Variants in DYNC1I1 observed in about 807,000 individuals in gnomAD.
DYNC1I1 encodes the protein dynein cytoplasmic 1 intermediate chain 1.
Under a neutral mutation model 86.6 loss-of-function variants are expected in DYNC1I1, and 43 were observed. The ratio of observed to expected loss-of-function variants is 0.50; its 90% CI spans 0.39 to 0.64. The LOEUF is 0.64. DYNC1I1 is among the 30% of genes least tolerant of loss of function. DYNC1I1 has a pLI of 0.00. For missense variants in DYNC1I1, 604 were observed against 788.8 expected, an observed-to-expected ratio of 0.77 and a Z score of 2.81; for synonymous variants, 262 against 283.7, an observed-to-expected ratio of 0.92 and a Z score of 0.77.
At chr7:95,794,248 A>C (rs1441660025) in intron 1 of DYNC1I1, among the ~76,000 whole-genome samples, 1 of 152,048 alleles carries the variant, frequency 6.6e-6, no homozygotes, top group Non-Finnish European at 1.5e-5. Context: ...ATTTCCAGTG[A>C]CCCAATTCCA....
In DYNC1I1 at chr7:95,860,072, G is replaced by T. The variant is rs1789836186; in HGVS notation, c.375-9811G>T. Among the ~76,000 whole-genome samples the T allele has an allele frequency of 5.3e-5, 8 of 152,278 alleles. No individual in the cohort carries two copies. The South Asian group carries it at 1.7e-3, about 32-fold the overall frequency. Reference sequence around the variant, plus strand: ...ATTGTTTTCCTTAGCTCTTATGAAGGTATTTTCATGCACGGTTATTCAAAT... The same window carrying T: ...ATTGTTTTCCTTAGCTCTTATGAAGTTATTTTCATGCACGGTTATTCAAAT... On this transcript the variant is annotated intron_variant, in intron 5 of 16. Coordinates refer to ENST00000447467, the MANE Select transcript of DYNC1I1 (RefSeq NM_001135556.2).
At chr7:95,829,286 A>G (rs994723018) in intron 5 of DYNC1I1, among the ~76,000 whole-genome samples, 4 of 152,098 alleles carry the variant, frequency 2.6e-5, no homozygotes, top group Non-Finnish European at 5.9e-5. Context: ...CATATGCAAA[A>G]ATTCTTAGCT....
At chr7:96,094,390 T>C (rs1218119020) in intron 16 of DYNC1I1, among the ~76,000 whole-genome samples, 1 of 152,162 alleles carries the variant, frequency 6.6e-6, no homozygotes, top group Non-Finnish European at 1.5e-5. Flanking sequence ...TGCATTTATG[T>C]TCTTGAGCCT....
intron 5 of DYNC1I1, among the ~76,000 whole-genome samples, chr7:95,862,274 T>G (rs1010342966): frequency 5.9e-5 from 9 of 151,992 alleles, no homozygotes; most frequent in African/African-American, 1.9e-4. Context: ...GCCCACAGAA[T>G]GGATGAAAAT....
At chr7:96,048,485 G>A (rs1789288129) in intron 14 of DYNC1I1, among the ~76,000 whole-genome samples, 1 of 152,090 alleles carries the variant, frequency 6.6e-6, no homozygotes. Flanking sequence ...AAACCGTCTG[G>A]GCCCCACCCC....
At chr7:96,011,448 C>T (rs544061855) in intron 10 of DYNC1I1, among the ~76,000 whole-genome samples, 14 of 152,106 alleles carry the variant, frequency 9.2e-5, no homozygotes, top group Non-Finnish European at 1.9e-4. Flanking sequence ...ATGTTAAACC[C>T]ACTGTAGGAT....
chr7:95,817,286 G>A lies in DYNC1I1; in HGVS notation c.314+3949G>A, dbSNP rs370610669. 3.3e-5 allele frequency among the ~76,000 whole-genome samples: 5 copies of A among 152,004 alleles called. No homozygotes were observed. In the South Asian group the frequency reaches 6.3e-4, roughly 19 times the overall value. ...TTTACCAATGAGGACACTGAGATGC[G>A]CAGAGAGAATAAGTAATTTTCTCAA... is the stretch of plus-strand genomic sequence containing the variant. On this transcript the variant is annotated intron_variant, in intron 4 of 16. Coordinates refer to ENST00000447467, the MANE Select transcript of DYNC1I1 (RefSeq NM_001135556.2).
intron 16 of DYNC1I1, among the ~76,000 whole-genome samples, chr7:96,084,112 C>T (rs1222847142): frequency 6.6e-6 from 1 of 151,952 alleles, no homozygotes; most frequent in Non-Finnish European, 1.5e-5. Context: ...CCTTGTTCCA[C>T]AAGTGAGGCT....
chr7:96,037,638 A>AT (rs543987118), intron 13 of DYNC1I1, among the ~76,000 whole-genome samples: 4 of 152,026 alleles, frequency 2.6e-5, no homozygotes, highest in Non-Finnish European at 5.9e-5. Context: ...TAATTTCCAG[A>AT]TTTTTTTCAT....
chr7:95,979,205 AAAGGCCAGTGC>A (rs1793390859), intron 7 of DYNC1I1, among the ~76,000 whole-genome samples: 1 of 152,216 alleles, frequency 6.6e-6, no homozygotes, highest in Non-Finnish European at 1.5e-5. Context: ...TCAGGTATCT[AAAGGCCAGTGC>A]AAGATAGTAA....
chr7:95,978,488 TA>T (rs1793366502), intron 7 of DYNC1I1, among the ~76,000 whole-genome samples: 1 of 152,254 alleles, frequency 6.6e-6, no homozygotes, highest in Admixed American at 6.5e-5. Context: ...GAACTTGTCT[TA>T]CTTGCTGGCA....
At chr7:96,107,313 A>G (rs1791231595) in intron 16 of DYNC1I1, among the ~76,000 whole-genome samples, 1 of 151,988 alleles carries the variant, frequency 6.6e-6, no homozygotes, top group African/African-American at 2.4e-5. Context: ...TACAGGTGTG[A>G]GCCACCGTGC....
intron 1 of DYNC1I1, among the ~76,000 whole-genome samples, chr7:95,799,245 A>G (rs1276253505): frequency 6.6e-6 from 1 of 152,022 alleles, no homozygotes; most frequent in East Asian, 1.9e-4. Flanking sequence ...CGGGCCCAGT[A>G]GCACCCACCT....
chr7:96,102,064 G>A (rs1407271363), downstream of DYNC1I1, among the ~76,000 whole-genome samples: 1 of 151,960 alleles, frequency 6.6e-6, no homozygotes, highest in East Asian at 1.9e-4. Flanking sequence ...TAGATGTGGT[G>A]TCATCCCTAG....
chr7:96,028,124 C>G (rs1794725009), intron 10 of DYNC1I1, 51 bp from the exon 11 acceptor site: 2 of 1,597,660 alleles, frequency 1.3e-6, no homozygotes, highest in African/African-American at 1.3e-5. Flanking sequence ...AACAAGTCAC[C>G]TACAACCATT....
chr7:96,106,568 C>T (rs1400273881), intron 16 of DYNC1I1, among the ~76,000 whole-genome samples: 1 of 151,910 alleles, frequency 6.6e-6, no homozygotes, highest in Non-Finnish European at 1.5e-5. Context: ...AGAGAAATCC[C>T]TCTTAGTACT....
chr7:95,982,456 G>C (rs1336976419), intron 7 of DYNC1I1, among the ~76,000 whole-genome samples: 1 of 152,098 alleles, frequency 6.6e-6, no homozygotes, highest in African/African-American at 2.4e-5. Context: ...GAAGTTGTGT[G>C]TCTTGAAAGC....
intron 4 of DYNC1I1, among the ~76,000 whole-genome samples, chr7:95,823,868 A>G (rs1430110850): frequency 6.7e-6 from 1 of 149,402 alleles, no homozygotes; most frequent in East Asian, 2.0e-4. Context: ...GCGGAAAATG[A>G]ATTTAGGCCC....
intron 6 of DYNC1I1, among the ~76,000 whole-genome samples, chr7:95,946,726 C>T (rs1035012104): frequency 4.6e-5 from 7 of 152,180 alleles, no homozygotes; most frequent in Non-Finnish European, 1.0e-4. Flanking sequence ...GAGCCAAGTC[C>T]TATCTTAGAT....
Sources: gnomAD v4.1 joint callset for allele counts (sites outside exome capture counted in the v4.1 genomes callset) on GRCh38, gnomAD v4.1.1 for gene constraint, MANE v1.5 for transcripts, NCBI Gene and HGNC (gene_info 2026-07-23, HGNC 2026-07-21) for gene names.